The following MYH11 variants were observed in gnomAD, a reference collection of about 807,000 sequenced individuals.
MYH11 encodes the protein myosin-11.
Under a neutral mutation model 246.6 loss-of-function variants are expected in MYH11, and 80 were observed. The observed-to-expected ratio is 0.32, with a 90% CI of 0.27 to 0.39. The LOEUF (loss-of-function observed/expected upper bound fraction) is 0.39, where lower values mean the gene tolerates loss of function less well. Ranked by LOEUF, MYH11 falls within the 10% of genes least tolerant of loss-of-function variation. The pLI, the probability that MYH11 is intolerant of heterozygous loss-of-function variation, is 1.00. For missense variants in MYH11, 2,158 were observed against 2,546.8 expected (o/e 0.85, Z 3.29); for synonymous variants, 1,071 against 1,015.5 (o/e 1.05, Z -1.04).
chr16:15,712,882 G>GTTTTTTTTTTTTTTTGTTTTT (rs59799809), intron 40 of MYH11: 1 of 90,636 alleles, frequency 1.1e-5, no homozygotes, highest in African/African-American at 4.5e-5. Context: ...TTCACATACA[G>GTTTTTTTTTTTTTTTGTTTTT]TTTTTTTTTT....
rs2039330437 is a variant in MYH11, at chr16:15,704,207, T to C, written c.5787-84A>G. 4 of 1,537,908 alleles carry C rather than the reference T, an allele frequency of 2.6e-6. 1 individual carries two copies. In the Admixed American group the frequency reaches 6.8e-5, roughly 26 times the overall value. On this transcript the variant is annotated intron_variant, in intron 40 of 40. Coordinates refer to ENST00000300036, the MANE Select transcript of MYH11 (RefSeq NM_002474.3). ...TTTTTATAAATCTATTTTAAACTTG[T>C]AGCTATAGTCCTATTGCAATATAAA... is the stretch of plus-strand genomic sequence containing the variant.
rs532909555 is a variant in MYH11, at chr16:15,830,121, C to T, written c.346-6710G>A. On this transcript the variant is annotated intron_variant, in intron 2 of 40. Coordinates refer to ENST00000300036, the MANE Select transcript of MYH11 (RefSeq NM_002474.3). Reference sequence around the variant, plus strand: ...CTCCACTCCAGCCTGGGTGATACAGCGAGACTTGGTCTCAAAAAAAAAAAG... The same window carrying T: ...CTCCACTCCAGCCTGGGTGATACAGTGAGACTTGGTCTCAAAAAAAAAAAG... Among the ~76,000 whole-genome samples the T allele has an allele frequency of 5.5e-5, 7 of 127,936 alleles. No individual in the cohort carries two copies. The East Asian group carries it at 8.8e-4, about 16-fold the overall frequency. The allele number at this position is 127,936 out of a possible 152,430, so 83.9% of individuals were successfully genotyped here. A position where few individuals can be genotyped will look rare whatever the true frequency, so the allele number is the denominator to read the frequency against.
At position 15,750,079 on chromosome 16, in the gene MYH11, TGA is replaced by T; in HGVS notation, c.2058+57_2058+58del. 1.2e-6 allele frequency: 2 copies of T among 1,603,286 alleles called. No homozygotes were observed. The highest frequency in any genetic ancestry group is 1.7e-6 in the Non-Finnish European group (2 of 1,172,494). On this transcript the variant is annotated intron_variant, in intron 16 of 40. Coordinates refer to ENST00000300036, the MANE Select transcript of MYH11 (RefSeq NM_002474.3). This position sits in a 1 kb window ranked among gnomAD's most constrained non-coding sequence, Gnocchi z 4.3. ...GGCAGAGGGCGCCCTGGGGACGCTG[TGA>T]CCGCTTGGGACAGCCCTGGCTTCTG...
intron 2 of MYH11, among the ~76,000 whole-genome samples, chr16:15,829,962 T>C (rs1470610633): frequency 6.6e-6 from 1 of 151,788 alleles, no homozygotes; most frequent in African/African-American, 2.4e-5. Context: ...CAGTGAAACC[T>C]CATCTCTACT....
intron 4 of MYH11, among the ~76,000 whole-genome samples, chr16:15,789,359 T>C (rs2042556026): frequency 1.3e-5 from 2 of 152,138 alleles, no homozygotes; most frequent in South Asian, 4.1e-4. Flanking sequence ...GATCTTTTCA[T>C]TTACTCTACC....
At chr16:15,718,740 AC>A (rs2151202175) in intron 36 of MYH11, 1 of 498,238 alleles carries the variant, frequency 2.0e-6, no homozygotes, top group Non-Finnish European at 3.6e-6. Flanking sequence ...AAGCAGCCAC[AC>A]CCCCAAACAG....
chr16:15,771,014 A>G (rs1174915138), intron 9 of MYH11, among the ~76,000 whole-genome samples: 1 of 147,120 alleles, frequency 6.8e-6, no homozygotes, highest in African/African-American at 2.5e-5. Context: ...TTTTTTTTTG[A>G]GATGGAGTCT....
chr16:15,763,741 T>TGCCC, intron 10 of MYH11, 55 bp downstream of exon 10: 2 of 646,862 alleles, frequency 3.1e-6, no homozygotes, highest in East Asian at 3.2e-5. Context: ...AAATGTCACC[T>TGCCC]CCCCCACCCC....
rs376779423 is a variant in MYH11 at position 15,720,834 on chromosome 16, C to T, written c.4791+5G>A. The T allele has an allele frequency of 4.0e-5, 65 of 1,613,018 alleles. No individual in the cohort carries two copies. Among genetic ancestry groups the T allele is most frequent in the Non-Finnish European group, 4.9e-5 (58 of 1,179,954 alleles). ...CCCTCTGCTGGCCTCCCCGGCAGCA[C>T]GCACCTGTCTCTGCAGTTGCCTCCT... On this transcript the variant is annotated splice_donor_5th_base_variant and intron_variant, in intron 33 of 40. Transcript: ENST00000300036.
chr16:15,726,374 T>C (rs1250892710), intron 28 of MYH11: 3 of 166,574 alleles, frequency 1.8e-5, no homozygotes, highest in Admixed American at 1.1e-4. Flanking sequence ...TTTTTCTTTT[T>C]TTTTTTTTTT....
intron 6 of MYH11, among the ~76,000 whole-genome samples, chr16:15,780,559 G>T (rs1421020465): frequency 7.8e-6 from 1 of 127,460 alleles, no homozygotes; most frequent in Non-Finnish European, 1.5e-5. Context: ...TTGGCTCACT[G>T]CAACCTCCAT....
At chr16:15,825,200 G>A (rs1203773635) in intron 2 of MYH11, among the ~76,000 whole-genome samples, 2 of 152,070 alleles carry the variant, frequency 1.3e-5, no homozygotes, top group Non-Finnish European at 2.9e-5. Flanking sequence ...GCTGGAAAGA[G>A]GTGGGAAATG....
rs2151296267 is a variant in MYH11 at position 15,776,287 on chromosome 16, CT to C, written c.791-112del. The C allele has an allele frequency of 1.3e-5, 10 of 779,252 alleles. No individual in the cohort carries two copies. The South Asian group carries it at 1.5e-4, about 11-fold the overall frequency. 48.3% of individuals were successfully genotyped at this position (779,252 alleles called of 1,614,324 possible). ...ATGGGATGACTTTCCAGTTCTACCC[CT>C]GGGATCGGTAATGTCTAACTTTGAC... On this transcript the variant is annotated intron_variant, in intron 7 of 40. Transcript: ENST00000300036.
At chr16:15,777,367 C>T (rs1342589411) in intron 7 of MYH11, among the ~76,000 whole-genome samples, 2 of 152,122 alleles carry the variant, frequency 1.3e-5, no homozygotes, top group Admixed American at 6.6e-5. Flanking sequence ...GTGGTCTGCC[C>T]GCCTCGGCCT....
intron 4 of MYH11, among the ~76,000 whole-genome samples, chr16:15,790,110 G>A (rs2042573818): frequency 6.6e-6 from 1 of 152,180 alleles, no homozygotes; most frequent in Admixed American, 6.5e-5. Flanking sequence ...TTCAAGACCA[G>A]CCTGGCCAAC....
At chr16:15,778,438 T>C (rs1315146711) in intron 7 of MYH11, among the ~76,000 whole-genome samples, 1 of 152,192 alleles carries the variant, frequency 6.6e-6, no homozygotes, top group East Asian at 1.9e-4. Context: ...TCATTCACTC[T>C]ATTCTCACAT....
rs28505375 is a variant in MYH11 at position 15,715,260 on chromosome 16, C to T, written c.5517G>A (p.Ala1839=). The stretch of plus-strand genomic sequence containing the variant: ...CTTTCTGCTTCAGCGACTTGGTGGC[C>T]GCCTGTTTCTCTCTGCAAACAGCAA... The part of the protein sequence containing the change: ...QVEQEAREKQ[A]ATKSLKQKDK... Residue 1839 remains alanine (A), a synonymous_variant, in exon 39 of 41, where the codon GCG becomes GCA. Coordinates refer to ENST00000300036, the MANE Select transcript of MYH11 (RefSeq NM_002474.3). 45,976 of 1,613,830 alleles carry T rather than the reference C, an allele frequency of 0.028. 2,374 individuals carry two copies. The highest frequency in any genetic ancestry group is 0.23 in the African/African-American group (17,334 of 74,928).
intron 30 of MYH11, 74 bp from the exon 31 acceptor site, chr16:15,724,483 G>T: frequency 6.2e-7 from 1 of 1,609,040 alleles, no homozygotes. Flanking sequence ...CACAGACTCT[G>T]AGAAGCGAAG....
At chr16:15,855,599 A>C (rs1434043468) in intron 1 of MYH11, among the ~76,000 whole-genome samples, 3 of 152,156 alleles carry the variant, frequency 2.0e-5, no homozygotes, top group African/African-American at 4.8e-5. Flanking sequence ...GCAAAGATTA[A>C]ATGAGATAAA....
Sources: gnomAD v4.1 joint callset for allele counts (sites outside exome capture counted in the v4.1 genomes callset) on GRCh38, gnomAD v4.1.1 for gene constraint, Gnocchi (gnomAD v3.1) non-coding constraint, MANE v1.5 for transcripts, NCBI Gene and HGNC (gene_info 2026-07-23, HGNC 2026-07-21) for gene names.